TMBIM4: variants seen among roughly 807,000 people sequenced by gnomAD.
TMBIM4 encodes protein lifeguard 4.
TMBIM4 carries 28 observed loss-of-function variants against 27.7 expected under a neutral mutation model. That is an observed-to-expected ratio of 1.01 (90% CI 0.75 to 1.38). The LOEUF is 1.38. Among genes scored for constraint, TMBIM4 ranks in the 40% most tolerant of loss-of-function variants. The probability of loss-of-function intolerance (pLI) is 0.00; values close to 1 mark genes in which losing one functional copy is unlikely to be tolerated. For missense variants in TMBIM4, 265 were observed against 277.5 expected (o/e 0.95, Z 0.32); for synonymous variants, 115 against 113.1 (o/e 1.02, Z -0.11).
At chr12:66,155,951 C>G (rs758572003) in intron 1 of TMBIM4, among the ~76,000 whole-genome samples, 2 of 152,240 alleles carry the variant, frequency 1.3e-5, no homozygotes, top group East Asian at 3.9e-4. Context: ...GTATGTATTA[C>G]TATTGCAATT....
At position 66,147,052 on chromosome 12, in the gene TMBIM4, T is replaced by C. The variant is rs79233428; in HGVS notation, c.346+856A>G. 4.6e-3 allele frequency among the ~76,000 whole-genome samples: 707 copies of C among 152,242 alleles called. 3 individuals are homozygous for C. The highest frequency in any genetic ancestry group is 7.6e-3 in the Non-Finnish European group (517 of 67,978). ...GGAGAGATGGATTTGATAACCTTAA[T>C]AGTAAGTAACATTAATAATAAGTAA... On this transcript the variant is annotated intron_variant, in intron 4 of 6. Coordinates refer to ENST00000358230, the MANE Select transcript of TMBIM4 (RefSeq NM_016056.4).
At chr12:66,165,391 C>T (rs1403688915) in intron 1 of TMBIM4, among the ~76,000 whole-genome samples, 2 of 151,388 alleles carry the variant, frequency 1.3e-5, no homozygotes, top group African/African-American at 4.9e-5. Flanking sequence ...CAACAGAGCT[C>T]CAATAATAAA....
chr12:66,163,461 A>G (rs1381583112), intron 1 of TMBIM4, among the ~76,000 whole-genome samples: 2 of 152,130 alleles, frequency 1.3e-5, no homozygotes, highest in African/African-American at 4.8e-5. Context: ...GAAACTTACA[A>G]TCATGGTGGA....
At position 66,169,993 on chromosome 12, in the gene TMBIM4, A is replaced by C; in HGVS notation, c.-42T>G. ...CTACCGGTCCCGGTCCACTAACCGC[A>C]ACCGCCTCCTCCCCACTTCCGCGAG... On this transcript the variant is annotated 5_prime_UTR_variant, in exon 1 of 7. Transcript: ENST00000358230. 1 of 1,376,656 alleles carries C rather than the reference A, an allele frequency of 7.3e-7. No individual in the cohort carries two copies. The highest frequency in any genetic ancestry group is 9.7e-7 in the Non-Finnish European group (1 of 1,029,270). The allele number at this position is 1,376,656 out of a possible 1,614,324, so 85.3% of individuals were successfully genotyped here. A position where few individuals can be genotyped will look rare whatever the true frequency, so the allele number is the denominator to read the frequency against.
In TMBIM4 at chr12:66,147,824, T is replaced by G. The variant is rs546723857; in HGVS notation, c.346+84A>C. The G allele has an allele frequency of 2.9e-3, 3,238 of 1,098,750 alleles. 5 individuals carry two copies. Among genetic ancestry groups the G allele is most frequent in the Non-Finnish European group, 3.2e-3 (2,434 of 757,570 alleles). 68.1% of individuals were successfully genotyped at this position (1,098,750 alleles called of 1,614,324 possible). ...AATATGATATTCCATGATGTTAAACTTTAGCCCCAAATACCTTTTTACCTG... is the reference window on the plus strand; with the variant it reads ...AATATGATATTCCATGATGTTAAACGTTAGCCCCAAATACCTTTTTACCTG... On this transcript the variant is annotated intron_variant, in intron 4 of 6. Coordinates refer to ENST00000358230, the MANE Select transcript of TMBIM4 (RefSeq NM_016056.4).
chr12:66,164,829 G>T (rs2052099127), intron 1 of TMBIM4, among the ~76,000 whole-genome samples: 1 of 152,166 alleles, frequency 6.6e-6, no homozygotes, highest in East Asian at 1.9e-4. Context: ...GACCTTACAT[G>T]TAGAAAACCC....
chr12:66,154,189 A>G (rs1247194901), intron 1 of TMBIM4, among the ~76,000 whole-genome samples: 1 of 152,206 alleles, frequency 6.6e-6, no homozygotes, highest in Non-Finnish European at 1.5e-5. Flanking sequence ...CTCCCTTCAC[A>G]CTTCCGGCTA....
chr12:66,147,155 C>A (rs2051765410), intron 4 of TMBIM4, among the ~76,000 whole-genome samples: 1 of 151,720 alleles, frequency 6.6e-6, no homozygotes, highest in Admixed American at 6.6e-5. Context: ...TATATTGATT[C>A]TTTTAAAAAG....
chr12:66,155,702 T>A (rs1329327680), intron 1 of TMBIM4, among the ~76,000 whole-genome samples: 1 of 152,112 alleles, frequency 6.6e-6, no homozygotes, highest in South Asian at 2.1e-4. Context: ...CCATATGATA[T>A]ATATTCTCTC....
intron 1 of TMBIM4, 85 bp from the exon 2 acceptor site, chr12:66,153,533 T>C (rs897801094): frequency 1.4e-6 from 1 of 738,906 alleles, no homozygotes. Flanking sequence ...TAAAAAATTG[T>C]TTTTTACACG....
rs1303045603 is a variant in TMBIM4 at position 66,153,329 on chromosome 12, C to T, written c.206+11G>A. The T allele has an allele frequency of 1.4e-6, 2 of 1,437,968 alleles. No individual in the cohort carries two copies. Among genetic ancestry groups the T allele is most frequent in the African/African-American group, 1.4e-5 (1 of 70,002 alleles). The allele number at this position is 1,437,968 out of a possible 1,614,324, so 89.1% of individuals were successfully genotyped here. A position where few individuals can be genotyped will look rare whatever the true frequency, so the allele number is the denominator to read the frequency against. On this transcript the variant is annotated intron_variant, in intron 2 of 6. Coordinates refer to ENST00000358230, the MANE Select transcript of TMBIM4 (RefSeq NM_016056.4). Reference sequence around the variant, plus strand: ...GTCTGAAAATTATTCATTACCATCTCATTACCTTACCTCTCATGTACAAAT... The same window carrying T: ...GTCTGAAAATTATTCATTACCATCTTATTACCTTACCTCTCATGTACAAAT...
chr12:66,161,418 TTAGA>T (rs2052039164), intron 1 of TMBIM4, among the ~76,000 whole-genome samples: 2 of 152,238 alleles, frequency 1.3e-5, no homozygotes, highest in South Asian at 2.1e-4. Context: ...TTTTTTGTAT[TTAGA>T]TAGAGACAGG....
At chr12:66,138,661 G>T in intron 6 of TMBIM4, 63 bp downstream of exon 6, 1 of 1,251,510 alleles carries the variant, frequency 8.0e-7, no homozygotes, top group South Asian at 1.4e-5. Flanking sequence ...ATAGCTTTTT[G>T]AGGTTATTTA....
chr12:66,148,310 A>G (rs1242757805), intron 3 of TMBIM4, among the ~76,000 whole-genome samples: 2 of 152,240 alleles, frequency 1.3e-5, no homozygotes, highest in East Asian at 3.8e-4. Flanking sequence ...CATAGGAAGA[A>G]TAAAATATTT....
At chr12:66,140,907 G>A (rs921370127) in intron 5 of TMBIM4, among the ~76,000 whole-genome samples, 1 of 152,126 alleles carries the variant, frequency 6.6e-6, no homozygotes, top group Non-Finnish European at 1.5e-5. Context: ...AACATATACA[G>A]AGGAATAAAT....
intron 5 of TMBIM4, among the ~76,000 whole-genome samples, chr12:66,144,232 A>G (rs2051715784): frequency 6.6e-6 from 1 of 152,164 alleles, no homozygotes. Context: ...CCAGTACTAC[A>G]GCAAGTAAGA....
chr12:66,147,452 G>C (rs1346482754), intron 4 of TMBIM4, among the ~76,000 whole-genome samples: 1 of 152,132 alleles, frequency 6.6e-6, no homozygotes, highest in Non-Finnish European at 1.5e-5. Context: ...GAAATACAGA[G>C]CAGAAATTAC....
intron 1 of TMBIM4, among the ~76,000 whole-genome samples, chr12:66,166,759 C>A (rs925214243): frequency 2.6e-5 from 4 of 152,216 alleles, no homozygotes; most frequent in Admixed American, 2.6e-4. Flanking sequence ...ACTAAACATT[C>A]TCTTACTATA....
chr12:66,145,936 A>G lies in TMBIM4; in HGVS notation c.369T>C (p.Ile123=). 1.3e-6 allele frequency: 2 copies of G among 1,568,772 alleles called. No individual in the cohort carries two copies. Among genetic ancestry groups the G allele is most frequent in the Non-Finnish European group, 1.8e-6 (2 of 1,140,660 alleles). Residue 123 remains isoleucine, a synonymous_variant, in exon 5 of 7, where the codon ATT becomes ATC. Coordinates refer to ENST00000358230, the MANE Select transcript of TMBIM4 (RefSeq NM_016056.4). ...AVVVTFYDVY[I]ILQAFILTTT... ...TAGTCAGTATGAAAGCTTGCAGAAT[A>G]ATATATACATCATAGAAAGTAACTG...
Sources: gnomAD v4.1 joint callset for allele counts (sites outside exome capture counted in the v4.1 genomes callset) on GRCh38, gnomAD v4.1.1 for gene constraint, MANE v1.5 for transcripts, NCBI Gene and HGNC (gene_info 2026-07-23, HGNC 2026-07-21) for gene names.